The following COBL variants were observed in gnomAD, a reference collection of about 807,000 sequenced individuals.
COBL encodes cordon-bleu WH2 repeat protein.
In COBL, 51 loss-of-function variants were observed where a neutral mutation model predicts 98.8. That is an observed-to-expected ratio of 0.52 (90% confidence interval 0.41 to 0.65). The LOEUF (loss-of-function observed/expected upper bound fraction) is 0.65, where lower values mean the gene tolerates loss of function less well. Ranked by LOEUF, COBL falls within the 30% of genes least tolerant of loss-of-function variation. The pLI is 0.00. For synonymous variants in COBL, 634 were observed against 651.7 expected, an observed-to-expected ratio of 0.97 and a Z score of 0.41; for missense variants, 1,617 against 1,617.5, an observed-to-expected ratio of 1.00 and a Z score of 0.01.
intron 1 of COBL, among the ~76,000 whole-genome samples, chr7:51,296,761 C>T (rs1419555426): frequency 5.9e-5 from 9 of 152,134 alleles, no homozygotes; most frequent in Non-Finnish European, 1.3e-4. Flanking sequence ...TGGGCTGGAC[C>T]GCCTTTTTCC....
chr7:51,173,149 A>C (rs1269858707), intron 5 of COBL, among the ~76,000 whole-genome samples: 1 of 152,006 alleles, frequency 6.6e-6, no homozygotes, highest in African/African-American at 2.4e-5. Flanking sequence ...CAGCAAGCAA[A>C]TTAATTAGGT....
chr7:51,291,542 C>T (rs1436172600), intron 1 of COBL, among the ~76,000 whole-genome samples: 1 of 152,014 alleles, frequency 6.6e-6, no homozygotes, highest in East Asian at 1.9e-4. Context: ...AGGCGGATCA[C>T]CTGAGATCAG....
intron 1 of COBL, among the ~76,000 whole-genome samples, chr7:51,248,012 G>T (rs780074092): frequency 6.6e-6 from 1 of 151,852 alleles, no homozygotes; most frequent in African/African-American, 2.4e-5. Flanking sequence ...GGTGGTGCAC[G>T]CCTATAATCC....
At chr7:51,281,788 A>G (rs1799839379) in intron 1 of COBL, among the ~76,000 whole-genome samples, 1 of 152,218 alleles carries the variant, frequency 6.6e-6, no homozygotes. Context: ...TGTTAAAGTA[A>G]GTTCTTCAGA....
chr7:51,208,836 G>C (rs970533477), intron 2 of COBL, among the ~76,000 whole-genome samples: 40 of 152,000 alleles, frequency 2.6e-4, no homozygotes, highest in African/African-American at 9.7e-4. Context: ...TGCAAGATGT[G>C]CTTTGTTAAA....
At chr7:51,079,545 G>A (rs1478600707) in intron 7 of COBL, among the ~76,000 whole-genome samples, 1 of 152,212 alleles carries the variant, frequency 6.6e-6, no homozygotes, top group Non-Finnish European at 1.5e-5. Context: ...AGTAGAGGAG[G>A]CACATAACAG....
At chr7:51,254,971 C>A (rs1318227034) in intron 1 of COBL, among the ~76,000 whole-genome samples, 1 of 152,200 alleles carries the variant, frequency 6.6e-6, no homozygotes, top group Non-Finnish European at 1.5e-5. Context: ...ATGATTCAAT[C>A]TCTATGTATC....
intron 6 of COBL, among the ~76,000 whole-genome samples, chr7:51,088,216 A>G (rs1794466441): frequency 6.6e-6 from 1 of 151,968 alleles, no homozygotes; most frequent in Non-Finnish European, 1.5e-5. Flanking sequence ...TTTTAGTGTT[A>G]TTCTTTTCAA....
intron 1 of COBL, among the ~76,000 whole-genome samples, chr7:51,267,068 G>A (rs62448325): frequency 0.08 from 12,205 of 151,934 alleles, 661 homozygotes; most frequent in East Asian, 0.3. Flanking sequence ...AGAAATCTCC[G>A]CTCACCACCA....
intron 5 of COBL, among the ~76,000 whole-genome samples, chr7:51,151,736 C>T (rs1328304740): frequency 2.0e-5 from 3 of 152,314 alleles, no homozygotes; most frequent in African/African-American, 4.8e-5. Context: ...AACAATCATA[C>T]CAGCAAATAC....
intron 12 of COBL, among the ~76,000 whole-genome samples, chr7:51,023,258 T>G (rs1443413097): frequency 6.6e-6 from 1 of 152,164 alleles, no homozygotes; most frequent in Non-Finnish European, 1.5e-5. Flanking sequence ...AACACATAAA[T>G]TCCACAGGAA....
intron 1 of COBL, among the ~76,000 whole-genome samples, chr7:51,263,982 C>A (rs1413316415): frequency 6.6e-6 from 1 of 152,178 alleles, no homozygotes; most frequent in African/African-American, 2.4e-5. Flanking sequence ...TGACAGCTCA[C>A]AAGGGAGGTG....
chr7:51,048,104 TG>T (rs1789894193), intron 7 of COBL, among the ~76,000 whole-genome samples: 1 of 150,802 alleles, frequency 6.6e-6, no homozygotes, highest in South Asian at 2.1e-4. Flanking sequence ...AGGCGGAGGC[TG>T]CAGTGAGCCG....
At chr7:51,060,225 T>A (rs1791191767) in intron 7 of COBL, among the ~76,000 whole-genome samples, 1 of 152,168 alleles carries the variant, frequency 6.6e-6, no homozygotes. Flanking sequence ...CAAAGCAATC[T>A]CTGCAGGAAA....
intron 6 of COBL, among the ~76,000 whole-genome samples, chr7:51,111,171 A>G (rs1405346764): frequency 6.6e-6 from 1 of 152,194 alleles, no homozygotes; most frequent in East Asian, 1.9e-4. Context: ...TCTCTTCAAC[A>G]TACTAATTTC....
chr7:51,137,012 C>G (rs1799297511), intron 5 of COBL, among the ~76,000 whole-genome samples: 1 of 152,184 alleles, frequency 6.6e-6, no homozygotes, highest in Non-Finnish European at 1.5e-5. Context: ...AATCTTTTTT[C>G]TCCCTAAGGT....
intron 1 of COBL, among the ~76,000 whole-genome samples, chr7:51,298,601 A>G (rs985544639): frequency 1.3e-5 from 2 of 152,204 alleles, no homozygotes; most frequent in Admixed American, 6.5e-5. Context: ...CTCATTCACC[A>G]TCTGAAAAGT....
intron 2 of COBL, among the ~76,000 whole-genome samples, chr7:51,212,322 C>T (rs975315936): frequency 7.9e-5 from 12 of 152,204 alleles, no homozygotes; most frequent in African/African-American, 2.6e-4. Context: ...AGACAAGAAA[C>T]GGAGAGCCTG....
chr7:51,212,252 A>G (rs1792529454), intron 2 of COBL, among the ~76,000 whole-genome samples: 2 of 152,182 alleles, frequency 1.3e-5, no homozygotes, highest in African/African-American at 4.8e-5. Context: ...AGTGACTTCA[A>G]TTAGAAAAAA....
Sources: allele counts gnomAD v4.1 joint callset (sites outside exome capture counted in the v4.1 genomes callset), GRCh38; gene constraint gnomAD v4.1.1; transcripts MANE v1.5; gene names NCBI Gene and HGNC (gene_info 2026-07-23, HGNC 2026-07-21).